Variants in ABCB1 observed in about 807,000 individuals in gnomAD.
ABCB1 encodes the protein ATP-dependent translocase ABCB1.
In ABCB1, 69 loss-of-function variants were observed where a neutral mutation model predicts 142.0. The ratio of observed to expected loss-of-function variants is 0.49; its 90% confidence interval spans 0.40 to 0.59. ABCB1 has a LOEUF of 0.59. Among genes scored for constraint, ABCB1 ranks in the 20% least tolerant of loss-of-function variants. The pLI, the probability that ABCB1 is intolerant of heterozygous loss-of-function variation, is 0.00. For missense variants in ABCB1, 1,326 were observed against 1,554.7 expected, an observed-to-expected ratio of 0.85 and a Z score of 2.47; for synonymous variants, 532 against 539.2, an observed-to-expected ratio of 0.99 and a Z score of 0.18.
intron 21 of ABCB1, among the ~76,000 whole-genome samples, chr7:87,525,051 C>T (rs1000689382): frequency 6.6e-6 from 1 of 152,028 alleles, no homozygotes; most frequent in Non-Finnish European, 1.5e-5. Flanking sequence ...GTGAGTAAAA[C>T]AGTATAATAA....
intron 1 of ABCB1, chr7:87,628,892 C>T (rs763449412): frequency 1.1e-5 from 14 of 1,302,888 alleles, no homozygotes; most frequent in Non-Finnish European, 1.2e-5. Context: ...GCAAGAAAAG[C>T]CTGAGCGCCC....
At chr7:87,674,629 G>A (rs1166184266) in intron 1 of ABCB1, among the ~76,000 whole-genome samples, 1 of 152,078 alleles carries the variant, frequency 6.6e-6, no homozygotes, top group Non-Finnish European at 1.5e-5. Context: ...AGCTGTGGGT[G>A]GGCTAGCATG....
intron 1 of ABCB1, among the ~76,000 whole-genome samples, chr7:87,639,371 CATT>C (rs1459544499): frequency 6.6e-6 from 1 of 152,040 alleles, no homozygotes; most frequent in African/African-American, 2.4e-5. Context: ...TGTATTCTGT[CATT>C]GTTGATTGCA....
chr7:87,513,819 C>A (rs1299625032), intron 25 of ABCB1, among the ~76,000 whole-genome samples: 1 of 152,194 alleles, frequency 6.6e-6, no homozygotes, highest in Non-Finnish European at 1.5e-5. Context: ...TCATGCCCTA[C>A]AATTCATTAT....
intron 1 of ABCB1, among the ~76,000 whole-genome samples, chr7:87,625,316 T>C (rs1327427703): frequency 2.0e-5 from 3 of 152,306 alleles, no homozygotes; most frequent in South Asian, 2.1e-4. Context: ...GATGGAGTTT[T>C]ACTAAGTTTT....
intron 1 of ABCB1, among the ~76,000 whole-genome samples, chr7:87,688,290 A>G (rs1371407221): frequency 6.6e-6 from 1 of 152,104 alleles, no homozygotes; most frequent in Non-Finnish European, 1.5e-5. Flanking sequence ...TCTTATATTA[A>G]TGTTTTATAA....
At chr7:87,579,369 G>A (rs1818410813) in intron 4 of ABCB1, among the ~76,000 whole-genome samples, 2 of 152,024 alleles carry the variant, frequency 1.3e-5, no homozygotes, top group South Asian at 2.1e-4. Context: ...TGTTTATGTG[G>A]CTTTTATTTT....
chr7:87,506,437 G>T (rs1297966702), intron 26 of ABCB1, among the ~76,000 whole-genome samples: 1 of 152,138 alleles, frequency 6.6e-6, no homozygotes, highest in Non-Finnish European at 1.5e-5. Flanking sequence ...TAACCAGCAG[G>T]TGACACTCTC....
intron 1 of ABCB1, among the ~76,000 whole-genome samples, chr7:87,685,090 G>T (rs532832509): frequency 6.6e-6 from 1 of 152,224 alleles, no homozygotes; most frequent in Non-Finnish European, 1.5e-5. Flanking sequence ...AATTGATAAA[G>T]TGGACTTCAT....
intron 1 of ABCB1, chr7:87,710,645 A>C: frequency 6.3e-7 from 1 of 1,578,920 alleles, no homozygotes; most frequent in Admixed American, 1.7e-5. Flanking sequence ...GAGAGACTTC[A>C]AAACAACCAG....
intron 1 of ABCB1, among the ~76,000 whole-genome samples, chr7:87,677,000 A>G (rs1826435721): frequency 1.3e-5 from 2 of 152,142 alleles, no homozygotes; most frequent in Admixed American, 1.3e-4. Context: ...GGATGTGGAG[A>G]AAAGGGAACC....
At chr7:87,547,750 A>C (rs1253830760) in intron 14 of ABCB1, among the ~76,000 whole-genome samples, 2 of 149,450 alleles carry the variant, frequency 1.3e-5, no homozygotes, top group African/African-American at 4.9e-5. Context: ...CATGCCTGTA[A>C]TCCTAGCTAC....
chr7:87,522,154 TGTG>T, intron 21 of ABCB1: 47 of 1,451,770 alleles, frequency 3.2e-5, no homozygotes, highest in Non-Finnish European at 3.9e-5. Flanking sequence ...TGGTGGCAGC[TGTG>T]GTGGTGGTGG....
At chr7:87,592,485 G>C (rs1819036527) in intron 3 of ABCB1, among the ~76,000 whole-genome samples, 2 of 152,180 alleles carry the variant, frequency 1.3e-5, no homozygotes, top group South Asian at 4.1e-4. Context: ...TACTGAGCCA[G>C]GTGGCGTAGT....
chr7:87,695,188 G>A (rs1828395648), intron 1 of ABCB1, among the ~76,000 whole-genome samples: 1 of 151,908 alleles, frequency 6.6e-6, no homozygotes, highest in Non-Finnish European at 1.5e-5. Context: ...CTATTTTTTA[G>A]AACATTAATT....
chr7:87,504,296 T>G lies in ABCB1; in HGVS notation c.3790A>C (p.Lys1264Gln). Reference protein sequence around the residue: ...HGTHQQLLAQKGIYFSMVSVQ... With the variant: ...HGTHQQLLAQQGIYFSMVSVQ... The stretch of plus-strand genomic sequence containing the variant: ...CTGACCATTGAAAAATAGATGCCTT[T>G]CTGTGCCAGCAGCTGCTGATGCGTG... The change falls in exon 28 of 28, where the codon AAA (lysine) becomes CAA (glutamine). Residue 1264 changes from lysine (K) to glutamine (Q), a missense_variant. Physicochemically the swap from Lys to Gln is moderately conservative, Grantham distance 53. Coordinates refer to ENST00000622132, the MANE Select transcript of ABCB1 (RefSeq NM_001348946.2). The G allele has an allele frequency of 6.2e-7, 1 of 1,614,108 alleles. No individual in the cohort carries two copies.
At chr7:87,644,487 C>T (rs1032451965) in intron 1 of ABCB1, among the ~76,000 whole-genome samples, 5 of 152,144 alleles carry the variant, frequency 3.3e-5, no homozygotes, top group South Asian at 2.1e-4. Flanking sequence ...TGGATACTTA[C>T]GTTCTATTAA....
intron 1 of ABCB1, among the ~76,000 whole-genome samples, chr7:87,637,484 G>C (rs993982925): frequency 6.6e-6 from 1 of 151,978 alleles, no homozygotes; most frequent in Non-Finnish European, 1.5e-5. Context: ...GCTTGCACTG[G>C]TACTATAAAT....
chr7:87,610,575 AT>A (rs1819816530), intron 1 of ABCB1, among the ~76,000 whole-genome samples: 1 of 151,914 alleles, frequency 6.6e-6, no homozygotes, highest in Admixed American at 6.6e-5. Context: ...CTCGAATGCT[AT>A]GCATTACAAC....
Sources: gnomAD v4.1 joint callset for allele counts (sites outside exome capture counted in the v4.1 genomes callset) on GRCh38, gnomAD v4.1.1 for gene constraint, MANE v1.5 for transcripts, NCBI Gene and HGNC (gene_info 2026-07-23, HGNC 2026-07-21) for gene names.